EPHA5: variants seen among roughly 807,000 people sequenced by gnomAD.
EPHA5 encodes EPH receptor A5, also known as ephrin type-A receptor 5.
Under a neutral mutation model 105.0 loss-of-function variants are expected in EPHA5, and 60 were observed. The ratio of observed to expected loss-of-function variants is 0.57; its 90% CI spans 0.46 to 0.71. The LOEUF is 0.71. Ranked by LOEUF, EPHA5 falls within the 30% of genes least tolerant of loss-of-function variation. The pLI, the probability that EPHA5 is intolerant of heterozygous loss-of-function variation, is 0.00. For synonymous variants in EPHA5, 513 were observed against 449.1 expected, an observed-to-expected ratio of 1.14 and a Z score of -1.80; for missense variants, 1,218 against 1,274.7, an observed-to-expected ratio of 0.96 and a Z score of 0.68.
chr4:65,485,338 C>T (rs952903163), intron 5 of EPHA5, among the ~76,000 whole-genome samples: 1 of 151,802 alleles, frequency 6.6e-6, no homozygotes, highest in Admixed American at 6.6e-5. Context: ...TGCTTTTCTC[C>T]CCTTTTACAT....
intron 3 of EPHA5, among the ~76,000 whole-genome samples, chr4:65,570,538 G>A (rs562291204): frequency 6.7e-6 from 1 of 149,624 alleles, no homozygotes; most frequent in Admixed American, 6.7e-5. Context: ...TAATATCTTA[G>A]TCAGCTTTCT....
intron 1 of EPHA5, among the ~76,000 whole-genome samples, chr4:65,665,311 G>C (rs1191149626): frequency 6.6e-6 from 1 of 151,982 alleles, no homozygotes; most frequent in Non-Finnish European, 1.5e-5. Context: ...AAGTGGTAGA[G>C]TCAATCAACA....
intron 3 of EPHA5, among the ~76,000 whole-genome samples, chr4:65,514,486 A>G (rs1733915402): frequency 6.6e-6 from 1 of 152,122 alleles, no homozygotes; most frequent in South Asian, 2.1e-4. Context: ...TAAGGCCCCG[A>G]CCAACAATTA....
At chr4:65,662,051 A>C (rs1749599978) in intron 1 of EPHA5, among the ~76,000 whole-genome samples, 1 of 152,148 alleles carries the variant, frequency 6.6e-6, no homozygotes, top group Non-Finnish European at 1.5e-5. Context: ...GGAACAAAAC[A>C]GGCAGGGGCT....
intron 3 of EPHA5, among the ~76,000 whole-genome samples, chr4:65,599,217 G>T (rs1743471168): frequency 6.6e-6 from 1 of 152,004 alleles, no homozygotes; most frequent in South Asian, 2.1e-4. Context: ...GTAGGAAAGA[G>T]ATGAGAGAAA....
chr4:65,521,888 T>C (rs557325841), intron 3 of EPHA5, among the ~76,000 whole-genome samples: 1 of 152,166 alleles, frequency 6.6e-6, no homozygotes, highest in South Asian at 2.1e-4. Context: ...CAGCAGCAGC[T>C]GTTCGGCCCA....
chr4:65,640,282 C>CTTTTTTTTTTTTTTTT lies in EPHA5; in HGVS notation c.246+3065_246+3080dup, dbSNP rs869149037. Among the ~76,000 whole-genome samples, 6 of 92,222 alleles carry CTTTTTTTTTTTTTTTT rather than the reference C, an allele frequency of 6.5e-5. 1 individual carries two copies. Among genetic ancestry groups the CTTTTTTTTTTTTTTTT allele is most frequent in the Non-Finnish European group, 3.9e-5 (2 of 51,056 alleles). 60.5% of individuals were successfully genotyped at this position (92,222 alleles called of 152,430 possible). The stretch of plus-strand genomic sequence containing the variant: ...CATTGAAGTCATTGCTCAGTTTTTT[C>CTTTTTTTTTTTTTTTT]TTTTTTTTTTTTTTTTTTTTTGAGA... On this transcript the variant is annotated intron_variant, in intron 2 of 16. Transcript: ENST00000613740.
chr4:65,543,632 A>C (rs1436693566), intron 3 of EPHA5, among the ~76,000 whole-genome samples: 1 of 152,034 alleles, frequency 6.6e-6, no homozygotes, highest in Admixed American at 6.6e-5. Context: ...AATATCACGA[A>C]AATGGTCATA....
intron 2 of EPHA5, 53 bp from the exon 3 acceptor site, chr4:65,602,357 A>G: frequency 7.2e-7 from 1 of 1,394,628 alleles, no homozygotes; most frequent in Non-Finnish European, 9.5e-7. Flanking sequence ...AGAAAATAAC[A>G]AGGAACTATA....
At chr4:65,342,361 T>C (rs6851852) in intron 14 of EPHA5, among the ~76,000 whole-genome samples, 71,325 of 151,842 alleles carry the variant, frequency 0.47, 17,383 homozygotes, top group East Asian at 0.77. Flanking sequence ...TTAGATTACA[T>C]AGCAATGAGG....
rs575608289 is a variant in EPHA5 at position 65,418,862 on chromosome 4, C to CTTTTTTTTTTTTTTTTTTTTTTTT, written c.1527+1555_1527+1578dup. On this transcript the variant is annotated intron_variant, in intron 6 of 16. Transcript: ENST00000613740. The stretch of plus-strand genomic sequence containing the variant: ...AACATTCAATACACTTACCTAAACT[C>CTTTTTTTTTTTTTTTTTTTTTTTT]TTTTTTTTTTTTTTTTTTTTTTTTT... Among the ~76,000 whole-genome samples the CTTTTTTTTTTTTTTTTTTTTTTTT allele has an allele frequency of 4.5e-4, 21 of 47,074 alleles. 4 individuals are homozygous for CTTTTTTTTTTTTTTTTTTTTTTTT. Among genetic ancestry groups the CTTTTTTTTTTTTTTTTTTTTTTTT allele is most frequent in the African/African-American group, 1.7e-3 (15 of 9,090 alleles). 30.9% of individuals were successfully genotyped at this position (47,074 alleles called of 152,430 possible). A position where few individuals can be genotyped will look rare whatever the true frequency, so the allele number is the denominator to read the frequency against.
chr4:65,349,879 A>G (rs932995790), intron 13 of EPHA5, among the ~76,000 whole-genome samples: 1 of 151,966 alleles, frequency 6.6e-6, no homozygotes, highest in African/African-American at 2.4e-5. Flanking sequence ...TTAGCCCATA[A>G]TTTTTCTCCT....
chr4:65,446,975 AT>A (rs397993760), intron 5 of EPHA5, among the ~76,000 whole-genome samples: 39,115 of 112,730 alleles, frequency 0.35, 4,411 homozygotes, highest in Middle Eastern at 0.37. Context: ...TTAAAAGCTC[AT>A]TTTTTTTTTT....
intron 2 of EPHA5, among the ~76,000 whole-genome samples, chr4:65,603,614 C>T (rs908808824): frequency 3.3e-5 from 5 of 149,944 alleles, no homozygotes; most frequent in African/African-American, 1.3e-4. Flanking sequence ...TCAGATGGCT[C>T]CTCTCGAAAT....
At chr4:65,644,301 G>T (rs1747933052) in intron 1 of EPHA5, among the ~76,000 whole-genome samples, 1 of 151,840 alleles carries the variant, frequency 6.6e-6, no homozygotes, top group African/African-American at 2.4e-5. Flanking sequence ...CTAGCTTATA[G>T]GGTACTGTCT....
intron 7 of EPHA5, among the ~76,000 whole-genome samples, chr4:65,407,548 A>G (rs1327233827): frequency 2.6e-5 from 4 of 152,074 alleles, no homozygotes; most frequent in Non-Finnish European, 5.9e-5. Flanking sequence ...TATAAGTAAC[A>G]TCAAATCGCA....
At chr4:65,465,533 AAAGGAAAGG>A (rs199624958) in intron 5 of EPHA5, among the ~76,000 whole-genome samples, 2,378 of 68,090 alleles carry the variant, frequency 0.035, 76 homozygotes, top group African/African-American at 0.051. Flanking sequence ...GAAAGAAAAG[AAAGGAAAGG>A]AAGGAAAGGA....
At chr4:65,513,011 G>A (rs1427864811) in intron 3 of EPHA5, among the ~76,000 whole-genome samples, 3 of 152,184 alleles carry the variant, frequency 2.0e-5, no homozygotes, top group Non-Finnish European at 4.4e-5. Context: ...ATGCCATGCA[G>A]ATTTGGCTCT....
At chr4:65,400,843 G>T in intron 8 of EPHA5, among the ~76,000 whole-genome samples, 1 of 152,088 alleles carries the variant, frequency 6.6e-6, no homozygotes, top group Non-Finnish European at 1.5e-5. Context: ...AATTGCCAAT[G>T]AATATTACAT....
Sources: allele counts gnomAD v4.1 joint callset (sites outside exome capture counted in the v4.1 genomes callset), GRCh38; gene constraint gnomAD v4.1.1; transcripts MANE v1.5; gene names NCBI Gene and HGNC (gene_info 2026-07-23, HGNC 2026-07-21).